Variants in EYA1 observed in about 807,000 individuals in gnomAD.
EYA1 encodes the protein EYA transcriptional coactivator and phosphatase 1, also known as protein phosphatase EYA1.
EYA1 carries 16 observed loss-of-function variants against 82.0 expected under a neutral mutation model. That is an observed-to-expected ratio of 0.20 (90% CI 0.13 to 0.30). The LOEUF (loss-of-function observed/expected upper bound fraction) is 0.30, where lower values mean the gene tolerates loss of function less well. Ranked by LOEUF, EYA1 falls within the 10% of genes least tolerant of loss-of-function variation. The probability of loss-of-function intolerance (pLI) is 1.00; values close to 1 mark genes in which losing one functional copy is unlikely to be tolerated. For synonymous variants in EYA1, 261 were observed against 264.4 expected, an observed-to-expected ratio of 0.99 and a Z score of 0.12; for missense variants, 633 against 730.7, an observed-to-expected ratio of 0.87 and a Z score of 1.54.
At chr8:71,407,805 A>G (rs1421309252) in intron 2 of EYA1, among the ~76,000 whole-genome samples, 2 of 147,182 alleles carry the variant, frequency 1.4e-5, no homozygotes, top group African/African-American at 5.0e-5. Context: ...TCTGCAGGAT[A>G]TTATCCAGGA....
At chr8:71,404,813 GA>G (rs1830128161) in intron 2 of EYA1, 1 of 153,776 alleles carries the variant, frequency 6.5e-6, no homozygotes, top group South Asian at 1.9e-4. Context: ...AGTTACTCAG[GA>G]GGCTGAGGCA....
chr8:71,252,732 G>T (rs527426063), intron 11 of EYA1, among the ~76,000 whole-genome samples: 1 of 152,300 alleles, frequency 6.6e-6, no homozygotes, highest in South Asian at 2.1e-4. Flanking sequence ...GGATCATTCA[G>T]ATGGGATCTG....
chr8:71,394,379 T>C (rs544081527), intron 2 of EYA1, among the ~76,000 whole-genome samples: 1 of 152,332 alleles, frequency 6.6e-6, no homozygotes, highest in Non-Finnish European at 1.5e-5. Flanking sequence ...GCCTATGTCC[T>C]GAATGGTATT....
At chr8:71,278,822 C>A (rs189847565) in intron 9 of EYA1, among the ~76,000 whole-genome samples, 5 of 152,238 alleles carry the variant, frequency 3.3e-5, no homozygotes, top group Non-Finnish European at 5.9e-5. Flanking sequence ...TAGCTTTACA[C>A]CCCAGGGACT....
chr8:71,394,517 C>G (rs1297889039), intron 2 of EYA1, among the ~76,000 whole-genome samples: 2 of 152,114 alleles, frequency 1.3e-5, no homozygotes, highest in African/African-American at 2.4e-5. Flanking sequence ...TAGGGCTAGC[C>G]AGTTTTCCCA....
chr8:71,270,154 T>G (rs965675660), intron 10 of EYA1: 2 of 240,640 alleles, frequency 8.3e-6, no homozygotes, highest in Non-Finnish European at 1.7e-5. Context: ...TGGTTATAAC[T>G]TGAGATAGAG....
At chr8:71,419,293 A>G (rs1831019096) in intron 2 of EYA1, among the ~76,000 whole-genome samples, 1 of 152,192 alleles carries the variant, frequency 6.6e-6, no homozygotes, top group Non-Finnish European at 1.5e-5. Context: ...CATATCATAT[A>G]TACATATTAT....
At chr8:71,452,144 TCCCACA>T (rs1807439078) in intron 2 of EYA1, among the ~76,000 whole-genome samples, 3 of 152,080 alleles carry the variant, frequency 2.0e-5, no homozygotes, top group Admixed American at 2.0e-4. Context: ...GCTTGGAGGG[TCCCACA>T]CCCACAGAGC....
intron 12 of EYA1, among the ~76,000 whole-genome samples, chr8:71,238,026 ACCTTTT>A (rs1305792191): frequency 2.6e-5 from 4 of 152,242 alleles, no homozygotes. Flanking sequence ...AATGGTATTA[ACCTTTT>A]ATAGGATCTC....
intron 2 of EYA1, among the ~76,000 whole-genome samples, chr8:71,410,067 G>C (rs369963795): frequency 6.4e-4 from 98 of 152,170 alleles, no homozygotes; most frequent in African/African-American, 2.3e-3. Flanking sequence ...TATAAGGCTG[G>C]TTCAATATAC....
At chr8:71,258,915 G>A (rs1276923099) in intron 11 of EYA1, among the ~76,000 whole-genome samples, 1 of 152,192 alleles carries the variant, frequency 6.6e-6, no homozygotes, top group Non-Finnish European at 1.5e-5. Context: ...CATTGAGGAA[G>A]GGAGAAGAGG....
chr8:71,216,933 G>A (rs747620813), intron 13 of EYA1, 32 bp downstream of exon 13: 15 of 1,611,652 alleles, frequency 9.3e-6, no homozygotes, highest in Middle Eastern at 3.3e-4. Context: ...CTATAAAAGG[G>A]AGATGGTCAC....
At chr8:71,201,224 A>G (rs1244581731) in intron 17 of EYA1, among the ~76,000 whole-genome samples, 6 of 145,298 alleles carry the variant, frequency 4.1e-5, no homozygotes, top group Non-Finnish European at 8.8e-5. Flanking sequence ...CTATTGTACT[A>G]GTTAAAAAAA....
chr8:71,422,812 C>T (rs893868619), intron 2 of EYA1, among the ~76,000 whole-genome samples: 6 of 152,088 alleles, frequency 3.9e-5, no homozygotes, highest in South Asian at 2.1e-4. Flanking sequence ...TGAGGGTAAC[C>T]GCCCCCATGA....
At chr8:71,452,678 G>A (rs1164131490) in intron 2 of EYA1, among the ~76,000 whole-genome samples, 1 of 152,168 alleles carries the variant, frequency 6.6e-6, no homozygotes, top group Non-Finnish European at 1.5e-5. Context: ...TGGACCTCCA[G>A]CAAACTCCAA....
At chr8:71,464,498 A>G (rs1383437299) in intron 2 of EYA1, among the ~76,000 whole-genome samples, 1 of 152,176 alleles carries the variant, frequency 6.6e-6, no homozygotes, top group Non-Finnish European at 1.5e-5. Flanking sequence ...ACTGAGCCAA[A>G]CTCAACAGGC....
intron 3 of EYA1, among the ~76,000 whole-genome samples, chr8:71,334,604 G>A (rs1012849953): frequency 1.3e-5 from 2 of 152,062 alleles, no homozygotes; most frequent in Non-Finnish European, 2.9e-5. Flanking sequence ...ACACCAGCAG[G>A]TCTTCCTGAT....
At position 71,271,372 on chromosome 8, in the gene EYA1, A is replaced by G. The variant is rs553059856; in HGVS notation, c.966+386T>C. Among the ~76,000 whole-genome samples, 3 of 152,314 alleles carry G rather than the reference A, an allele frequency of 2.0e-5. No individual in the cohort carries two copies. In the East Asian group the frequency reaches 5.8e-4, roughly 29 times the overall value. On this transcript the variant is annotated intron_variant, in intron 10 of 17. Coordinates refer to ENST00000340726, the MANE Select transcript of EYA1 (RefSeq NM_000503.6). ...TCACCCTGTTGTGCTATCAAATAGT[A>G]GGTCTCACTCATTCTATTTTTTTTG...
intron 17 of EYA1, among the ~76,000 whole-genome samples, chr8:71,204,926 G>A (rs1807556727): frequency 6.6e-6 from 1 of 152,138 alleles, no homozygotes; most frequent in Admixed American, 6.6e-5. Context: ...CATATAGTAA[G>A]TGATTAACTA....
Sources: gnomAD v4.1 joint callset for allele counts (sites outside exome capture counted in the v4.1 genomes callset) on GRCh38, gnomAD v4.1.1 for gene constraint, MANE v1.5 for transcripts, NCBI Gene and HGNC (gene_info 2026-07-23, HGNC 2026-07-21) for gene names.